The following PLAC1 variants were observed in gnomAD, a reference collection of about 807,000 sequenced individuals.
The protein encoded by PLAC1 is placenta-specific protein 1.
For missense variants in PLAC1, 136 were observed against 163.2 expected (o/e 0.83, Z 0.91); for synonymous variants, 68 against 62.1 (o/e 1.09, Z -0.44).
At chrX:134,686,238 A>C (rs1459867890) in intron 2 of PLAC1, among the ~76,000 whole-genome samples, 2 of 110,956 alleles carry the variant, frequency 1.8e-5, no homozygotes, top group Admixed American at 9.6e-5. Flanking sequence ...CCATGCAACT[A>C]AGTGTGAGAA....
At chrX:134,660,736 C>T (rs1289563342), upstream of PLAC1, among the ~76,000 whole-genome samples, 5 of 111,441 alleles carry the variant, frequency 4.5e-5, no homozygotes, top group Non-Finnish European at 7.5e-5. Context: ...TGAGAAGAGG[C>T]AGTATTTGAA....
At chrX:134,709,203 A>C (rs974834926) in intron 2 of PLAC1, among the ~76,000 whole-genome samples, 4 of 112,405 alleles carry the variant, frequency 3.6e-5, no homozygotes, top group African/African-American at 1.3e-4. Context: ...TGACAAGGTA[A>C]TTTACACAGA....
chrX:134,603,579 C>A (rs1488937629), intron 1 of PLAC1, among the ~76,000 whole-genome samples: 1 of 106,627 alleles, frequency 9.4e-6, no homozygotes, highest in Non-Finnish European at 1.9e-5. Flanking sequence ...CGTGATCCAC[C>A]CGCCTCAGCC....
intron 2 of PLAC1, among the ~76,000 whole-genome samples, chrX:134,598,930 A>G (rs555333120): frequency 8.9e-6 from 1 of 111,835 alleles, no homozygotes; most frequent in African/African-American, 3.2e-5. Context: ...AGCTGAAGGA[A>G]AGATTATACT....
At chrX:134,717,449 A>G (rs2078646523) in intron 2 of PLAC1, among the ~76,000 whole-genome samples, 1 of 111,440 alleles carries the variant, frequency 9.0e-6, no homozygotes, top group Non-Finnish European at 1.9e-5. Context: ...CAGTAGAGAC[A>G]GGTTTTCACC....
At chrX:134,750,812 A>AATAT (rs1244215206) in intron 1 of PLAC1, among the ~76,000 whole-genome samples, 1 of 52,012 alleles carries the variant, frequency 1.9e-5, no homozygotes, top group African/African-American at 1.3e-4. Flanking sequence ...CAAAAAAAAA[A>AATAT]ATATATATAT....
chrX:134,663,208 C>T (rs1179692291), upstream of PLAC1, among the ~76,000 whole-genome samples: 1 of 111,956 alleles, frequency 8.9e-6, no homozygotes, highest in African/African-American at 3.3e-5. Flanking sequence ...TGTTGTTTTG[C>T]TTTTGTCTTA....
chrX:134,706,704 T>C (rs1478915245), intron 2 of PLAC1, among the ~76,000 whole-genome samples: 1 of 110,220 alleles, frequency 9.1e-6, no homozygotes, highest in African/African-American at 3.3e-5. Flanking sequence ...GGGCAAAAAA[T>C]CTCAACAAAG....
intron 1 of PLAC1, among the ~76,000 whole-genome samples, chrX:134,641,953 C>T (rs2078309665): frequency 8.9e-6 from 1 of 112,267 alleles, no homozygotes; most frequent in Non-Finnish European, 1.9e-5. Context: ...AAAGGTGTTT[C>T]AGATGAGATT....
chrX:134,572,803 G>A (rs1943323161), intron 2 of PLAC1, among the ~76,000 whole-genome samples: 1 of 109,799 alleles, frequency 9.1e-6, no homozygotes, highest in Admixed American at 9.7e-5. Context: ...ATTATCTCGG[G>A]GGAAAAAAGT....
intron 2 of PLAC1, among the ~76,000 whole-genome samples, chrX:134,678,083 T>A (rs935134050): frequency 1.8e-5 from 2 of 111,677 alleles, no homozygotes; most frequent in African/African-American, 6.5e-5. Flanking sequence ...TCACTGCCTA[T>A]ACACTTGCCC....
intron 2 of PLAC1, among the ~76,000 whole-genome samples, chrX:134,703,898 ATATCTC>A (rs2078591984): frequency 9.2e-6 from 1 of 108,277 alleles, no homozygotes. Flanking sequence ...AAATCGAAAT[ATATCTC>A]TATCTCTATC....
chrX:134,685,689 C>T (rs765015514), intron 2 of PLAC1, among the ~76,000 whole-genome samples: 5 of 110,819 alleles, frequency 4.5e-5, no homozygotes, highest in Non-Finnish European at 9.4e-5. Flanking sequence ...ATATTTTGTG[C>T]ATTTGCTCTT....
intron 1 of PLAC1, among the ~76,000 whole-genome samples, chrX:134,750,401 C>T (rs1433928094): frequency 1.8e-5 from 2 of 110,357 alleles, no homozygotes; most frequent in African/African-American, 6.6e-5. Flanking sequence ...TCTTCTTCCT[C>T]TCAACTCTCC....
intron 1 of PLAC1, among the ~76,000 whole-genome samples, chrX:134,735,129 C>G (rs1400336169): frequency 9.0e-6 from 1 of 111,617 alleles, no homozygotes; most frequent in African/African-American, 3.3e-5. Flanking sequence ...GCACTAAGAA[C>G]TTTTGTTTTC....
At chrX:134,750,440 G>A (rs771317871) in intron 1 of PLAC1, among the ~76,000 whole-genome samples, 9 of 109,852 alleles carry the variant, frequency 8.2e-5, no homozygotes, top group Admixed American at 9.8e-5. Flanking sequence ...TTGACAATTC[G>A]GTTGCTGAAA....
intron 2 of PLAC1, among the ~76,000 whole-genome samples, chrX:134,678,070 G>A (rs769223178): frequency 1.8e-5 from 2 of 111,515 alleles, no homozygotes; most frequent in Admixed American, 9.5e-5. Flanking sequence ...CCACAAGCTC[G>A]TCTCACTGCC....
intron 2 of PLAC1, among the ~76,000 whole-genome samples, chrX:134,687,036 A>G (rs1162111683): frequency 2.7e-5 from 3 of 111,420 alleles, no homozygotes; most frequent in Middle Eastern, 4.3e-3. Flanking sequence ...CTTAAGATCA[A>G]TGTTTTAGTG....
At chrX:134,680,146 T>G (rs1444400323) in intron 2 of PLAC1, among the ~76,000 whole-genome samples, 1 of 112,129 alleles carries the variant, frequency 8.9e-6, no homozygotes, top group African/African-American at 3.2e-5. Flanking sequence ...TTGGACATTT[T>G]TCTCCTAACA....
Sources: allele counts gnomAD v4.1 joint callset (sites outside exome capture counted in the v4.1 genomes callset), GRCh38; gene constraint gnomAD v4.1.1; transcripts MANE v1.5; gene names NCBI Gene and HGNC (gene_info 2026-07-23, HGNC 2026-07-21).